KDELR2: variants seen among roughly 807,000 people sequenced by gnomAD.
KDELR2 encodes ER lumen protein-retaining receptor 2.
Under a neutral mutation model 23.9 loss-of-function variants are expected in KDELR2, and 15 were observed. That is an observed-to-expected ratio of 0.63 (90% CI 0.42 to 0.97). The LOEUF is 0.97. Among genes scored for constraint, KDELR2 ranks in the 50% least tolerant of loss-of-function variants. The probability of loss-of-function intolerance (pLI) is 0.00; values close to 1 mark genes in which losing one functional copy is unlikely to be tolerated. For missense variants in KDELR2, 272 were observed against 254.6 expected, an observed-to-expected ratio of 1.07 and a Z score of -0.46; for synonymous variants, 119 against 106.2, an observed-to-expected ratio of 1.12 and a Z score of -0.74.
chr7:6,470,554 T>C (rs1051597111), intron 2 of KDELR2: 2 of 152,134 alleles, frequency 1.3e-5, no homozygotes, highest in African/African-American at 2.4e-5. Context: ...GAATACAAAC[T>C]ATGGTAAAAT....
Position 6,462,203 on chromosome 7 carries a change from TTAA to T in KDELR2, c.*935_*937del, listed in dbSNP as rs1350498638. 12 of 4,428 alleles carry T rather than the reference TTAA, an allele frequency of 2.7e-3. No individual in the cohort carries two copies. The highest frequency in any genetic ancestry group is 2.6e-3 in the Non-Finnish European group (1 of 382). The allele number at this position is 4,428 out of a possible 1,614,324, so 0.3% of individuals were successfully genotyped here. On this transcript the variant is annotated 3_prime_UTR_variant, in exon 5 of 5. Transcript: ENST00000258739. ...CTGCCAATTAAAAAAAAAACTGTAA[TTAA>T]ATCATCTTACCACCCAAAAGTGATA...
At chr7:6,469,275 C>T (rs554958829) in intron 3 of KDELR2, among the ~76,000 whole-genome samples, 5 of 151,152 alleles carry the variant, frequency 3.3e-5, no homozygotes, top group Middle Eastern at 3.2e-3. Context: ...TCTTTTCCCT[C>T]GAGACAGTCT....
In KDELR2 at chr7:6,466,219, C is replaced by A. The variant is rs755274871; in HGVS notation, c.456G>T (p.Leu152=). 1 of 1,614,142 alleles carries A rather than the reference C, an allele frequency of 6.2e-7. No homozygotes were observed. Among genetic ancestry groups the A allele is most frequent in the East Asian group, 2.2e-5 (1 of 44,886 alleles). ...AAGCACGATAGAGGCCCAGGAAGAACAGGTAGTGGGTGGTGATGGTCTCGG... is the reference window on the plus strand; with the variant it reads ...AAGCACGATAGAGGCCCAGGAAGAAAAGGTAGTGGGTGGTGATGGTCTCGG... ...GEAETITTHY[L]FFLGLYRALY... is the part of the protein sequence containing the mutation. Residue 152 remains leucine, a synonymous_variant, in exon 4 of 5, where the codon CTG becomes CTT. Coordinates refer to ENST00000258739, the MANE Select transcript of KDELR2 (RefSeq NM_006854.4).
chr7:6,471,126 A>AT (rs1785626700), intron 2 of KDELR2, among the ~76,000 whole-genome samples: 1 of 111,050 alleles, frequency 9.0e-6, no homozygotes, highest in Admixed American at 1.2e-4. Context: ...AAAAAAATAA[A>AT]AAATAAATAA....
At chr7:6,463,262 C>T (rs1785426765) in intron 4 of KDELR2, 87 bp from the exon 5 acceptor site, 4 of 1,013,128 alleles carry the variant, frequency 3.9e-6, no homozygotes, top group Non-Finnish European at 4.5e-6. Flanking sequence ...AGAAGTCTCC[C>T]ACACACAAGA....
chr7:6,463,075 CT>C lies in KDELR2; in HGVS notation c.*65del, dbSNP rs1314311192. ...ATTTTCCGTATCAAGCATCTTATGC[CT>C]TTGCTGTGGTAAGAATTCTGTCCGA... On this transcript the variant is annotated 3_prime_UTR_variant, in exon 5 of 5. Transcript: ENST00000258739. The C allele has an allele frequency of 7.4e-6, 12 of 1,614,080 alleles. No individual in the cohort carries two copies. The highest frequency in any genetic ancestry group is 9.3e-6 in the Non-Finnish European group (11 of 1,180,044).
chr7:6,478,593 G>A (rs1314667673), intron 1 of KDELR2, among the ~76,000 whole-genome samples: 3 of 151,988 alleles, frequency 2.0e-5, no homozygotes, highest in Non-Finnish European at 4.4e-5. Flanking sequence ...TTAACCTTTT[G>A]TCACTTAGGT....
chr7:6,483,768 G>A (rs1785966009), intron 1 of KDELR2, among the ~76,000 whole-genome samples, 199 bp downstream of exon 1: 1 of 152,058 alleles, frequency 6.6e-6, no homozygotes, highest in Admixed American at 6.5e-5. Context: ...GGGGTCCCGC[G>A]CTGCGACACC....
At chr7:6,472,085 G>A (rs916148817) in intron 2 of KDELR2, among the ~76,000 whole-genome samples, 8 of 152,092 alleles carry the variant, frequency 5.3e-5, no homozygotes, top group African/African-American at 1.9e-4. Context: ...TAGAGATGGG[G>A]TTTCACCATG....
At chr7:6,470,216 C>G (rs1001976245) in intron 2 of KDELR2, 1 of 152,468 alleles carries the variant, frequency 6.6e-6, no homozygotes, top group Non-Finnish European at 1.5e-5. Flanking sequence ...TTGGTTGTAA[C>G]ACTGATGAGA....
At chr7:6,463,973 G>C (rs976985802) in intron 4 of KDELR2, among the ~76,000 whole-genome samples, 1 of 122,742 alleles carries the variant, frequency 8.1e-6, no homozygotes, top group Non-Finnish European at 2.0e-5. Flanking sequence ...GAGGCAGGAG[G>C]ATCACCTGAG....
chr7:6,469,949 A>G (rs1785592413), intron 2 of KDELR2, 195 bp from the exon 3 acceptor site: 1 of 456,156 alleles, frequency 2.2e-6, no homozygotes, highest in Non-Finnish European at 3.9e-6. Context: ...CACCACCAAA[A>G]TTAGGACACA....
intron 1 of KDELR2, among the ~76,000 whole-genome samples, chr7:6,482,164 G>A (rs575426953): frequency 6.6e-5 from 10 of 152,110 alleles, no homozygotes; most frequent in African/African-American, 1.9e-4. Context: ...CACCACGCCC[G>A]GCTAATTTTG....
chr7:6,466,339 C>T lies in KDELR2; in HGVS notation c.352-16G>A, dbSNP rs774286551. The T allele has an allele frequency of 1.9e-6, 3 of 1,611,178 alleles. No individual in the cohort carries two copies. The highest frequency in any genetic ancestry group is 1.1e-5 in the South Asian group (1 of 90,932). On this transcript the variant is annotated splice_polypyrimidine_tract_variant and intron_variant, in intron 3 of 4. Transcript: ENST00000258739. ...TCCAGAGGATCTGGAAGAGAAATGG[C>T]AAGCTTCCATCACGACCCACTGCCC...
intron 1 of KDELR2, among the ~76,000 whole-genome samples, chr7:6,475,697 T>C (rs1239228617): frequency 6.6e-6 from 1 of 152,196 alleles, no homozygotes; most frequent in East Asian, 1.9e-4. Context: ...GCCAAATATT[T>C]ATGTGACAAA....
chr7:6,464,409 C>G (rs1052296758), intron 4 of KDELR2, among the ~76,000 whole-genome samples: 12 of 151,922 alleles, frequency 7.9e-5, no homozygotes, highest in African/African-American at 2.2e-4. Flanking sequence ...ATCCCAGTTA[C>G]TAGGGTGGTC....
chr7:6,479,069 G>A (rs536337475), intron 1 of KDELR2, among the ~76,000 whole-genome samples: 1 of 151,668 alleles, frequency 6.6e-6, no homozygotes, highest in Non-Finnish European at 1.5e-5. Flanking sequence ...AATTACAGGT[G>A]TAAGCCACCG....
At chr7:6,465,181 CTT>C (rs1211865175) in intron 4 of KDELR2, among the ~76,000 whole-genome samples, 37 of 134,056 alleles carry the variant, frequency 2.8e-4, no homozygotes, top group Middle Eastern at 4.0e-3. Flanking sequence ...GCGTAAATAT[CTT>C]TTTTTTTTTT....
chr7:6,480,605 G>A (rs1282992066), intron 1 of KDELR2, among the ~76,000 whole-genome samples: 1 of 152,090 alleles, frequency 6.6e-6, no homozygotes, highest in Non-Finnish European at 1.5e-5. Flanking sequence ...GATCCTTATG[G>A]GGTAAAAAGC....
Sources: gnomAD v4.1 joint callset for allele counts (sites outside exome capture counted in the v4.1 genomes callset) on GRCh38, gnomAD v4.1.1 for gene constraint, MANE v1.5 for transcripts, NCBI Gene and HGNC (gene_info 2026-07-23, HGNC 2026-07-21) for gene names.